SPECC1L: variants seen among roughly 807,000 people sequenced by gnomAD.
SPECC1L encodes cytospin-A.
A neutral mutation model predicts 116.8 loss-of-function variants in SPECC1L; 40 were observed. The observed-to-expected ratio is 0.34, with a 90% confidence interval of 0.27 to 0.45. The LOEUF is 0.45. Among genes scored for constraint, SPECC1L ranks in the 20% least tolerant of loss-of-function variants. The pLI, the probability that SPECC1L is intolerant of heterozygous loss-of-function variation, is 1.00. For synonymous variants in SPECC1L, 504 were observed against 500.6 expected (o/e 1.01, Z -0.09); for missense variants, 1,110 against 1,373.6 (o/e 0.81, Z 3.03).
intron 14 of SPECC1L, among the ~76,000 whole-genome samples, chr22:24,370,431 T>G (rs1454595581): frequency 6.6e-6 from 1 of 152,226 alleles, no homozygotes; most frequent in Admixed American, 6.5e-5. Flanking sequence ...TAAGTAGTGT[T>G]GGCAAAGATG....
chr22:24,389,680 C>T (rs1250166549), intron 14 of SPECC1L, among the ~76,000 whole-genome samples: 1 of 151,960 alleles, frequency 6.6e-6, no homozygotes, highest in African/African-American at 2.4e-5. Context: ...ATTGTGTGTC[C>T]CCATAGATTG....
intron 2 of SPECC1L, among the ~76,000 whole-genome samples, chr22:24,296,734 A>G (rs2049271466): frequency 6.6e-6 from 1 of 152,224 alleles, no homozygotes; most frequent in Admixed American, 6.5e-5. Flanking sequence ...TCGACCAGGT[A>G]GGGACCCAGG....
At chr22:24,378,640 C>T (rs373478593) in intron 14 of SPECC1L, among the ~76,000 whole-genome samples, 7 of 152,022 alleles carry the variant, frequency 4.6e-5, no homozygotes, top group African/African-American at 7.3e-5. Context: ...ATTAATTGGC[C>T]TAATTTTAAT....
At chr22:24,334,801 T>A (rs1280753513) in intron 9 of SPECC1L, among the ~76,000 whole-genome samples, 1 of 152,256 alleles carries the variant, frequency 6.6e-6, no homozygotes, top group East Asian at 1.9e-4. Flanking sequence ...CATGCAGAGA[T>A]GTGTCTTCTC....
In SPECC1L at chr22:24,330,415, G is replaced by A. The variant is rs762484858; in HGVS notation, c.2380G>A (p.Glu794Lys). Residue 794 changes from glutamate (E) to lysine (K), a missense_variant, in exon 8 of 17, where the codon GAA (glutamate) becomes AAA (lysine). By Grantham distance (56) the Glu-to-Lys change is moderately conservative. This residue lies in a region of SPECC1L where 575 missense variants were observed against 682.4 expected (regional missense o/e 0.84). Coordinates refer to ENST00000314328, the MANE Select transcript of SPECC1L (RefSeq NM_015330.6). ...TGAGAAACTCACAAAAGAATTGGAG[G>A]AAATAAAGTCACGCAAGTAAGTTCT... Reference protein sequence around the residue: ...KNEKLTKELEEIKSRKQEEER... With the variant: ...KNEKLTKELEKIKSRKQEEER... The A allele has an allele frequency of 1.3e-5, 21 of 1,613,976 alleles. No individual in the cohort carries two copies. The highest frequency in any genetic ancestry group is 1.7e-5 in the Non-Finnish European group (20 of 1,180,010).
At chr22:24,300,622 C>T (rs1264409189) in intron 2 of SPECC1L, among the ~76,000 whole-genome samples, 2 of 152,210 alleles carry the variant, frequency 1.3e-5, no homozygotes, top group African/African-American at 2.4e-5. Context: ...TCTCCACAAC[C>T]TTGCCAGCAT....
chr22:24,312,910 C>G (rs1247692949), intron 3 of SPECC1L, among the ~76,000 whole-genome samples: 6 of 152,162 alleles, frequency 3.9e-5, no homozygotes, highest in East Asian at 1.9e-4. Context: ...CTGGCCTCAT[C>G]ATGGAATCAC....
At chr22:24,320,287 C>A (rs1038722227) in intron 4 of SPECC1L, among the ~76,000 whole-genome samples, 11 of 151,996 alleles carry the variant, frequency 7.2e-5, no homozygotes, top group East Asian at 5.8e-4. Context: ...TCAAAAAAAA[C>A]CAAAAAAACG....
intron 14 of SPECC1L, among the ~76,000 whole-genome samples, chr22:24,370,511 G>C (rs967743702): frequency 1.3e-5 from 2 of 152,194 alleles, no homozygotes; most frequent in East Asian, 3.8e-4. Context: ...GTGGAAAATA[G>C]TATGGCAGTT....
At chr22:24,392,695 G>C (rs2042294909) in intron 14 of SPECC1L, among the ~76,000 whole-genome samples, 1 of 152,196 alleles carries the variant, frequency 6.6e-6, no homozygotes, top group Non-Finnish European at 1.5e-5. Context: ...CAGTAGAAAA[G>C]AGGCTGGTTA....
chr22:24,373,023 C>A (rs1024439680), intron 14 of SPECC1L, among the ~76,000 whole-genome samples: 2 of 152,154 alleles, frequency 1.3e-5, no homozygotes, highest in Non-Finnish European at 2.9e-5. Context: ...CTCCCATTCA[C>A]AATTGCTTCA....
intron 14 of SPECC1L, among the ~76,000 whole-genome samples, chr22:24,391,245 C>G (rs2042269496): frequency 1.3e-5 from 2 of 152,134 alleles, no homozygotes; most frequent in African/African-American, 4.8e-5. Flanking sequence ...AGTGAAAGAA[C>G]TCTTTCCTGT....
chr22:24,371,854 T>A (rs934378501), intron 14 of SPECC1L, among the ~76,000 whole-genome samples: 1 of 152,194 alleles, frequency 6.6e-6, no homozygotes, highest in African/African-American at 2.4e-5. Context: ...CTCAAGTAGC[T>A]GGGATTACAA....
At chr22:24,276,558 A>G in intron 1 of SPECC1L, 142 bp from the exon 2 acceptor site, 1 of 287,182 alleles carries the variant, frequency 3.5e-6, no homozygotes, top group Non-Finnish European at 6.9e-6. Flanking sequence ...TCTTGAGCCT[A>G]GGAGTTTGAG....
chr22:24,394,943 A>G (rs972333849), intron 14 of SPECC1L, among the ~76,000 whole-genome samples: 1 of 151,994 alleles, frequency 6.6e-6, no homozygotes, highest in African/African-American at 2.4e-5. Flanking sequence ...CGACCCTCCC[A>G]CCTCAGCCTC....
At chr22:24,354,719 C>T (rs1210650875) in intron 11 of SPECC1L, among the ~76,000 whole-genome samples, 2 of 150,210 alleles carry the variant, frequency 1.3e-5, no homozygotes, top group Non-Finnish European at 3.0e-5. Flanking sequence ...TGGAGTGCAA[C>T]GGTGTGATCT....
rs1262526879 is a variant in SPECC1L, at chr22:24,414,759, C to T, written c.*136C>T. On this transcript the variant is annotated 3_prime_UTR_variant, in exon 17 of 17. Coordinates refer to ENST00000314328, the MANE Select transcript of SPECC1L (RefSeq NM_015330.6). ...CCCCACAGCGTGTGAGCCTCCAGCT[C>T]GGGGCTTCCGTATTGGAAGAACTCA... 8.2e-6 allele frequency: 6 copies of T among 735,190 alleles called. No homozygotes were observed. Among genetic ancestry groups the T allele is most frequent in the African/African-American group, 1.7e-5 (1 of 57,596 alleles). The allele number at this position is 735,190 out of a possible 1,614,324, so 45.5% of individuals were successfully genotyped here.
intron 9 of SPECC1L, among the ~76,000 whole-genome samples, chr22:24,334,788 TC>T (rs2041017826): frequency 6.6e-6 from 1 of 152,226 alleles, no homozygotes; most frequent in Admixed American, 6.5e-5. Context: ...GAAGCCTGAA[TC>T]CCATGCAGAG....
intron 14 of SPECC1L, among the ~76,000 whole-genome samples, chr22:24,375,391 C>T (rs570018602): frequency 1.5e-3 from 226 of 152,146 alleles, no homozygotes; most frequent in Non-Finnish European, 2.8e-3. Context: ...CTGTAAAAGC[C>T]CTTGACAAAA....
Sources: allele counts gnomAD v4.1 joint callset (sites outside exome capture counted in the v4.1 genomes callset), GRCh38; gene constraint gnomAD v4.1.1; regional missense constraint gnomAD v4.1.1; transcripts MANE v1.5; gene names NCBI Gene and HGNC (gene_info 2026-07-23, HGNC 2026-07-21).